SNX25: variants seen among roughly 807,000 people sequenced by gnomAD.
SNX25 encodes the protein sorting nexin-25.
Under a neutral mutation model 113.7 loss-of-function variants are expected in SNX25, and 62 were observed. The ratio of observed to expected loss-of-function variants is 0.55; its 90% CI spans 0.44 to 0.67. SNX25 has a LOEUF of 0.67. SNX25 is among the 30% of genes least tolerant of loss of function. The pLI, the probability that SNX25 is intolerant of heterozygous loss-of-function variation, is 0.00. For synonymous variants in SNX25, 421 were observed against 436.2 expected (o/e 0.97, Z 0.43); for missense variants, 1,014 against 1,161.0 (o/e 0.87, Z 1.84).
At chr4:185,315,664 G>A (rs114699575) in intron 7 of SNX25, among the ~76,000 whole-genome samples, 19 of 152,194 alleles carry the variant, frequency 1.2e-4, no homozygotes, top group Non-Finnish European at 2.5e-4. Context: ...TTCAAAAAAC[G>A]GAGAAGGGAA....
In SNX25 at chr4:185,346,541, T is replaced by C. The variant is rs1240410452; in HGVS notation, c.2192T>C (p.Val731Ala). The change falls in exon 13 of 19, where the codon GTC becomes GCC. Residue 731 changes from valine to alanine, a missense_variant. By Grantham distance (64) the Val-to-Ala change is moderately conservative. Coordinates refer to ENST00000652585, the MANE Select transcript of SNX25 (RefSeq NM_001378034.2). The part of the protein sequence containing the change: ...QNLHRKLSEC[V>A]PSLKKVQLPS... ...TTTCATTTTTTCCCCCCACAGTGCGTCCCTTCTTTAAAAAAAGTCCAGTTG... is the reference window on the plus strand; with the variant it reads ...TTTCATTTTTTCCCCCCACAGTGCGCCCCTTCTTTAAAAAAAGTCCAGTTG... 1.3e-6 allele frequency: 2 copies of C among 1,587,442 alleles called. No individual in the cohort carries two copies. Among genetic ancestry groups the C allele is most frequent in the Non-Finnish European group, 1.7e-6 (2 of 1,168,838 alleles).
chr4:185,372,339 T>C (rs1436206443), downstream of SNX25, among the ~76,000 whole-genome samples: 4 of 152,238 alleles, frequency 2.6e-5, no homozygotes, highest in African/African-American at 9.6e-5. Flanking sequence ...TGGCATAGAA[T>C]TGTGCTATCC....
intron 5 of SNX25, among the ~76,000 whole-genome samples, chr4:185,275,866 G>T (rs1259771900): frequency 1.3e-5 from 2 of 152,048 alleles, no homozygotes; most frequent in African/African-American, 4.8e-5. Flanking sequence ...AAGAATCCTG[G>T]CAGATTTTTA....
At position 185,357,706 on chromosome 4, in the gene SNX25, G is replaced by A. The variant is rs908153445; in HGVS notation, c.2620G>A (p.Val874Ile). 3.7e-6 allele frequency: 6 copies of A among 1,613,874 alleles called. No individual in the cohort carries two copies. Among genetic ancestry groups the A allele is most frequent in the African/African-American group, 1.3e-5 (1 of 74,866 alleles). Reference sequence around the variant, plus strand: ...GGTGAGAAGAACATTAATTGCCCTCGTTCAGGTCACTTTTGGAAGAACCAT... The same window carrying A: ...GGTGAGAAGAACATTAATTGCCCTCATTCAGGTCACTTTTGGAAGAACCAT... ...KWVRRTLIAL[V>I]QVTFGRTINK... The change falls in exon 16 of 19, where the codon GTT becomes ATT. Residue 874 changes from valine (V) to isoleucine (I), a missense_variant. Coordinates refer to ENST00000652585, the MANE Select transcript of SNX25 (RefSeq NM_001378034.2).
chr4:185,278,710 T>C (rs1485224330), intron 5 of SNX25, among the ~76,000 whole-genome samples: 1 of 152,146 alleles, frequency 6.6e-6, no homozygotes, highest in Non-Finnish European at 1.5e-5. Flanking sequence ...ATTTTCAATA[T>C]AGAACATAAA....
At chr4:185,302,844 C>G (rs954934634) in intron 6 of SNX25, among the ~76,000 whole-genome samples, 3 of 152,210 alleles carry the variant, frequency 2.0e-5, no homozygotes, top group Admixed American at 6.5e-5. Flanking sequence ...CCTTGAACCT[C>G]CAGCACTACC....
downstream of SNX25, chr4:185,366,244 T>G (rs2095387759): frequency 6.6e-6 from 1 of 152,258 alleles, no homozygotes. Flanking sequence ...GAAAGCCTTT[T>G]GCTAATTTTA....
At chr4:185,279,268 T>A (rs1216529532) in intron 5 of SNX25, among the ~76,000 whole-genome samples, 2 of 152,138 alleles carry the variant, frequency 1.3e-5, no homozygotes, top group Non-Finnish European at 2.9e-5. Context: ...CTGATGTGAC[T>A]CAAATAGTGT....
chr4:185,254,110 G>A lies in SNX25; in HGVS notation c.515-4738G>A, dbSNP rs77776525. On this transcript the variant is annotated intron_variant, in intron 2 of 18. Coordinates refer to ENST00000652585, the MANE Select transcript of SNX25 (RefSeq NM_001378034.2). ...TGGTGGCACAGAGGAAGCAAGGCTC[G>A]CATGACTTTTCCCACCCTTTAGAAA... 7.0e-4 allele frequency among the ~76,000 whole-genome samples: 107 copies of A among 152,168 alleles called. 1 individual carries two copies. In the East Asian group the frequency reaches 0.012, roughly 17 times the overall value.
chr4:185,284,153 G>A (rs1751026947), intron 5 of SNX25, among the ~76,000 whole-genome samples: 1 of 152,146 alleles, frequency 6.6e-6, no homozygotes, highest in African/African-American at 2.4e-5. Flanking sequence ...TCTTGATCTA[G>A]TTGGGGTGAA....
At chr4:185,311,359 A>C (rs1048558078) in intron 7 of SNX25, among the ~76,000 whole-genome samples, 3 of 152,188 alleles carry the variant, frequency 2.0e-5, no homozygotes, top group African/African-American at 4.8e-5. Flanking sequence ...ACTGAACCAT[A>C]ACATCTCTCT....
At chr4:185,352,243 G>A (rs1028758369) in intron 14 of SNX25, among the ~76,000 whole-genome samples, 1 of 152,192 alleles carries the variant, frequency 6.6e-6, no homozygotes, top group Non-Finnish European at 1.5e-5. Flanking sequence ...CCACGGAGGC[G>A]CCTTGCCTGG....
downstream of SNX25, chr4:185,366,936 C>G (rs1027070537): frequency 2.6e-6 from 1 of 388,130 alleles, no homozygotes; most frequent in Non-Finnish European, 4.7e-6. Flanking sequence ...TTGATATGGT[C>G]TCGGCCAGTC....
Position 185,346,611 on chromosome 4 carries a change from T to A in SNX25, c.2262T>A (p.Phe754Leu). ...KLPFKSIDQK[F>L]MEKSKNQLNK... Reference sequence around the variant, plus strand: ...CTTTCAAATCTATAGATCAAAAGTTTATGGAAAAGTCGAAGAATCAATTAA... The same window carrying A: ...CTTTCAAATCTATAGATCAAAAGTTAATGGAAAAGTCGAAGAATCAATTAA... Residue 754 changes from phenylalanine (F) to leucine (L), a missense_variant, in exon 13 of 19, where the codon TTT becomes TTA. By Grantham distance (22) the Phe-to-Leu change is conservative. Transcript: ENST00000652585. 1.3e-6 allele frequency: 2 copies of A among 1,587,038 alleles called. No homozygotes were observed. Among genetic ancestry groups the A allele is most frequent in the Non-Finnish European group, 1.7e-6 (2 of 1,172,622 alleles).
At chr4:185,215,445 A>T (rs1485694729) in intron 1 of SNX25, among the ~76,000 whole-genome samples, 2 of 152,224 alleles carry the variant, frequency 1.3e-5, no homozygotes, top group Non-Finnish European at 2.9e-5. Flanking sequence ...CTTGGATCAG[A>T]TGGCTAGGAT....
intron 7 of SNX25, among the ~76,000 whole-genome samples, chr4:185,320,047 C>T (rs1392598327): frequency 6.6e-6 from 1 of 152,150 alleles, no homozygotes; most frequent in Non-Finnish European, 1.5e-5. Context: ...ATTACTTTAA[C>T]CATTGTGGAA....
downstream of SNX25, chr4:185,366,939 G>A (rs201526634): frequency 5.3e-4 from 209 of 392,542 alleles, no homozygotes; most frequent in East Asian, 7.9e-3. Context: ...ATATGGTCTC[G>A]GCCAGTCTGT....
the SNX25 span, among the ~76,000 whole-genome samples, chr4:185,376,593 C>T: frequency 1.6e-4 from 24 of 151,894 alleles, no homozygotes; most frequent in Non-Finnish European, 2.6e-4. Flanking sequence ...CGCACCCGGC[C>T]TGATAATATA....
intron 1 of SNX25, among the ~76,000 whole-genome samples, chr4:185,236,688 T>TA (rs545897496): frequency 1.5e-3 from 224 of 152,348 alleles, no homozygotes; most frequent in Non-Finnish European, 2.6e-3. Context: ...GTTGTATGTA[T>TA]ACCATGATCC....
Sources: gnomAD v4.1 joint callset for allele counts (sites outside exome capture counted in the v4.1 genomes callset) on GRCh38, gnomAD v4.1.1 for gene constraint, MANE v1.5 for transcripts, NCBI Gene and HGNC (gene_info 2026-07-23, HGNC 2026-07-21) for gene names.